Variants in MYO5B observed in about 807,000 individuals in gnomAD.
MYO5B encodes the protein myosin VB.
In MYO5B, 143 loss-of-function variants were observed where a neutral mutation model predicts 229.3. The ratio of observed to expected loss-of-function variants is 0.62; its 90% CI spans 0.54 to 0.72. The LOEUF (loss-of-function observed/expected upper bound fraction) is 0.72. Ranked by LOEUF, MYO5B falls within the 30% of genes least tolerant of loss-of-function variation. The pLI is 0.00. For missense variants in MYO5B, 2,321 were observed against 2,331.0 expected, an observed-to-expected ratio of 1.00 and a Z score of 0.09; for synonymous variants, 918 against 885.2, an observed-to-expected ratio of 1.04 and a Z score of -0.66.
At chr18:50,157,128 C>T (rs989628667) in intron 1 of MYO5B, among the ~76,000 whole-genome samples, 5 of 150,540 alleles carry the variant, frequency 3.3e-5, no homozygotes, top group Admixed American at 6.6e-5. Flanking sequence ...GGTGGGGGGA[C>T]GGAGTCTCGC....
intron 14 of MYO5B, among the ~76,000 whole-genome samples, chr18:49,951,087 G>A (rs758342046): frequency 1.7e-4 from 26 of 152,264 alleles, no homozygotes; most frequent in Middle Eastern, 3.4e-3. Context: ...GACCTTCCCT[G>A]GTAGGCATGT....
At position 49,891,940 on chromosome 18, in the gene MYO5B, T is replaced by C. The variant is rs187972660; in HGVS notation, c.3045+3001A>G. 2.0e-3 allele frequency among the ~76,000 whole-genome samples: 309 copies of C among 152,220 alleles called. 1 individual carries two copies. The highest frequency in any genetic ancestry group is 9.3e-3 in the East Asian group (48 of 5,172). ...TCTCTCACAAGGACCAGGGACCCCC[T>C]CTGAGAGCCAGGCACCTGGCTGTGG... On this transcript the variant is annotated intron_variant, in intron 22 of 39. Coordinates refer to ENST00000285039, the MANE Select transcript of MYO5B (RefSeq NM_001080467.3).
At chr18:50,088,584 G>A (rs892654726) in intron 1 of MYO5B, among the ~76,000 whole-genome samples, 1 of 152,162 alleles carries the variant, frequency 6.6e-6, no homozygotes, top group Non-Finnish European at 1.5e-5. Context: ...ATATCCTTTT[G>A]CACAACCCAT....
intron 1 of MYO5B, among the ~76,000 whole-genome samples, chr18:50,108,526 T>G (rs1431148982): frequency 6.6e-6 from 1 of 152,176 alleles, no homozygotes; most frequent in African/African-American, 2.4e-5. Flanking sequence ...TCAACATGAT[T>G]GTACTGAAAA....
At chr18:49,996,612 C>T (rs565192209) in intron 5 of MYO5B, among the ~76,000 whole-genome samples, 12 of 152,188 alleles carry the variant, frequency 7.9e-5, no homozygotes, top group South Asian at 4.2e-4. Flanking sequence ...CAGAAATACA[C>T]GGTGAAATAA....
rs55973734 is a variant in MYO5B at position 50,172,288 on chromosome 18, C to CAAAAAAAAA, written c.27+22470_27+22478dup. On this transcript the variant is annotated intron_variant, in intron 1 of 39. Coordinates refer to ENST00000285039, the MANE Select transcript of MYO5B (RefSeq NM_001080467.3). The stretch of plus-strand genomic sequence containing the variant: ...AGAGTGAGACCCTGACAAAAAAAGA[C>CAAAAAAAAA]AAAAAAAAAAAAAAAAAAAGGCCGA... 2.3e-4 allele frequency among the ~76,000 whole-genome samples: 21 copies of CAAAAAAAAA among 90,506 alleles called. 1 individual carries two copies. The highest frequency in any genetic ancestry group is 2.4e-4 in the African/African-American group (6 of 25,228). 59.4% of individuals were successfully genotyped at this position (90,506 alleles called of 152,430 possible).
chr18:50,128,518 G>T (rs963279363), intron 1 of MYO5B, among the ~76,000 whole-genome samples: 1 of 152,200 alleles, frequency 6.6e-6, no homozygotes, highest in Non-Finnish European at 1.5e-5. Flanking sequence ...GCATATACCT[G>T]TCCAGGTAGG....
intron 7 of MYO5B, among the ~76,000 whole-genome samples, chr18:49,989,207 T>C (rs549215315): frequency 3.3e-5 from 5 of 152,260 alleles, no homozygotes; most frequent in African/African-American, 1.2e-4. Context: ...GGTACAAGCA[T>C]TGAAGATACA....
rs542697647 is a variant in MYO5B, at chr18:49,954,215, A to T, written c.1668+98T>A. 7.7e-6 allele frequency: 12 copies of T among 1,560,388 alleles called. No homozygotes were observed. The African/African-American group carries it at 9.5e-5, about 12-fold the overall frequency. The stretch of plus-strand genomic sequence containing the variant: ...CCTAGCTGAGGCTTCAGGCCATTTG[A>T]ATTCAGAAGGGACAGATTTCTCTCT... On this transcript the variant is annotated intron_variant, in intron 13 of 39. Transcript: ENST00000285039.
At chr18:50,191,686 C>T (rs2033230067) in intron 1 of MYO5B, among the ~76,000 whole-genome samples, 1 of 152,108 alleles carries the variant, frequency 6.6e-6, no homozygotes, top group Non-Finnish European at 1.5e-5. Flanking sequence ...CTCATATGAG[C>T]ACTATTTCAA....
At chr18:49,931,648 C>T (rs892450191) in intron 16 of MYO5B, among the ~76,000 whole-genome samples, 2 of 152,186 alleles carry the variant, frequency 1.3e-5, no homozygotes, top group East Asian at 3.8e-4. Flanking sequence ...AGAGGAAGCA[C>T]AGTTCCAGGA....
At chr18:49,972,458 C>G (rs2025701769) in intron 10 of MYO5B, among the ~76,000 whole-genome samples, 1 of 152,134 alleles carries the variant, frequency 6.6e-6, no homozygotes, top group Non-Finnish European at 1.5e-5. Flanking sequence ...TACAACAGAA[C>G]TGAGGCATGG....
chr18:49,872,394 A>C (rs1272470677), intron 26 of MYO5B, among the ~76,000 whole-genome samples, 162 bp from the exon 27 acceptor site: 1 of 151,368 alleles, frequency 6.6e-6, no homozygotes, highest in East Asian at 1.9e-4. Flanking sequence ...AGTGCAGCTC[A>C]ACACTCCAGC....
chr18:49,836,701 G>C lies in MYO5B; in HGVS notation c.5313+10C>G. 6.2e-7 allele frequency: 1 copy of C among 1,613,928 alleles called. No homozygotes were observed. Among genetic ancestry groups the C allele is most frequent in the Non-Finnish European group, 8.5e-7 (1 of 1,179,842 alleles). Reference sequence around the variant, plus strand: ...AATACCATGTTGACAGAGGTGCAAAGTGACTGTACCTGCTGGGTGCTGAGG... The same window carrying C: ...AATACCATGTTGACAGAGGTGCAAACTGACTGTACCTGCTGGGTGCTGAGG... On this transcript the variant is annotated intron_variant, in intron 38 of 39. Transcript: ENST00000285039.
chr18:50,157,640 C>A (rs2032701561), intron 1 of MYO5B, among the ~76,000 whole-genome samples: 1 of 152,174 alleles, frequency 6.6e-6, no homozygotes, highest in African/African-American at 2.4e-5. Context: ...TCATCCTTTG[C>A]TTTCTCAGAG....
chr18:50,091,522 G>C (rs1322346581), intron 1 of MYO5B, among the ~76,000 whole-genome samples: 3 of 152,010 alleles, frequency 2.0e-5, no homozygotes, highest in Non-Finnish European at 4.4e-5. Flanking sequence ...CATCCTATGG[G>C]GTAGGTATAC....
At chr18:50,111,158 G>C (rs2031857908) in intron 1 of MYO5B, among the ~76,000 whole-genome samples, 1 of 152,210 alleles carries the variant, frequency 6.6e-6, no homozygotes, top group Non-Finnish European at 1.5e-5. Flanking sequence ...ACTAGAGTGG[G>C]AACAGAGGCT....
chr18:49,886,703 T>C (rs566001714), intron 22 of MYO5B, among the ~76,000 whole-genome samples: 9 of 152,206 alleles, frequency 5.9e-5, no homozygotes, highest in African/African-American at 9.7e-5. Context: ...ATGTTGTATG[T>C]CTTCAGAGGC....
intron 1 of MYO5B, among the ~76,000 whole-genome samples, chr18:50,123,744 T>C (rs970982065): frequency 6.6e-6 from 1 of 152,096 alleles, no homozygotes; most frequent in African/African-American, 2.4e-5. Flanking sequence ...ATAAAAGGTT[T>C]TCCACTTTTC....
Sources: allele counts gnomAD v4.1 joint callset (sites outside exome capture counted in the v4.1 genomes callset), GRCh38; gene constraint gnomAD v4.1.1; transcripts MANE v1.5; gene names NCBI Gene and HGNC (gene_info 2026-07-23, HGNC 2026-07-21).